PDGFRA: variants seen among roughly 807,000 people sequenced by gnomAD.
PDGFRA encodes the protein platelet-derived growth factor receptor alpha.
PDGFRA carries 25 observed loss-of-function variants against 121.5 expected under a neutral mutation model. The observed-to-expected ratio is 0.21, with a 90% CI of 0.15 to 0.29. The LOEUF (loss-of-function observed/expected upper bound fraction) is 0.29, where lower values mean the gene tolerates loss of function less well. PDGFRA is among the 10% of genes least tolerant of loss of function. The pLI is 1.00. For synonymous variants in PDGFRA, 463 were observed against 494.8 expected (o/e 0.94, Z 0.85); for missense variants, 1,008 against 1,345.1 (o/e 0.75, Z 3.92).
Position 54,274,887 on chromosome 4 carries a change from C to T in PDGFRA, c.1700C>T (p.Pro567Leu), listed in dbSNP as rs201503614. 29 of 1,613,718 alleles carry T rather than the reference C, an allele frequency of 1.8e-5. No individual in the cohort carries two copies. The highest frequency in any genetic ancestry group is 1.2e-4 in the Admixed American group (7 of 59,994). ...TGGAGGGTCATTGAATCAATCAGCC[C>T]AGATGGACATGAATATATTTATGTG... ...IRWRVIESIS[P>L]DGHEYIYVDP... is the part of the protein sequence containing the mutation. Residue 567 changes from proline to leucine, a missense_variant, in exon 12 of 23, where the codon CCA becomes CTA. Physicochemically the swap from Pro to Leu is moderately conservative, Grantham distance 98 (BLOSUM62 -3). Around this residue, in one of 5 missense-constraint regions of PDGFRA, gnomAD observed 575 missense variants for 701.8 expected, o/e 0.82. Coordinates refer to ENST00000257290, the MANE Select transcript of PDGFRA (RefSeq NM_006206.6).
chr4:54,248,255 C>T (rs1305485477), intron 1 of PDGFRA, among the ~76,000 whole-genome samples: 1 of 152,210 alleles, frequency 6.6e-6, no homozygotes, highest in East Asian at 1.9e-4. Flanking sequence ...CCCGCATCGC[C>T]AAGTCAGTCC....
chr4:54,274,267 C>T (rs1287208997), intron 10 of PDGFRA, among the ~76,000 whole-genome samples: 4 of 152,240 alleles, frequency 2.6e-5, no homozygotes, highest in Non-Finnish European at 5.9e-5. Flanking sequence ...CACAAGGTTA[C>T]TGTTGGAGCA....
chr4:54,236,704 G>A (rs1721033713), intron 1 of PDGFRA, among the ~76,000 whole-genome samples: 1 of 152,074 alleles, frequency 6.6e-6, no homozygotes, highest in Non-Finnish European at 1.5e-5. Context: ...TCGGGAGGCT[G>A]AGACAGGAGA....
intron 15 of PDGFRA, 34 bp from the exon 16 acceptor site, chr4:54,280,282 A>C (rs1419648477): frequency 3.8e-6 from 6 of 1,596,826 alleles, no homozygotes; most frequent in Non-Finnish European, 5.2e-6. Context: ...TCAGAAGGGC[A>C]CCCTGGGTAA....
chr4:54,275,723 T>C (rs1723683110), intron 12 of PDGFRA, among the ~76,000 whole-genome samples: 1 of 152,222 alleles, frequency 6.6e-6, no homozygotes, highest in Non-Finnish European at 1.5e-5. Context: ...TTAGGTAAAC[T>C]GAAATCAAGC....
At chr4:54,283,630 C>T (rs981036558) in intron 16 of PDGFRA, among the ~76,000 whole-genome samples, 1 of 152,208 alleles carries the variant, frequency 6.6e-6, no homozygotes. Context: ...GCCTTTGCCT[C>T]CTTTTTAGTT....
intron 5 of PDGFRA, among the ~76,000 whole-genome samples, chr4:54,265,671 G>C (rs1722992641): frequency 6.6e-6 from 1 of 152,204 alleles, no homozygotes; most frequent in Non-Finnish European, 1.5e-5. Flanking sequence ...AGGGGAGATG[G>C]AAGTGGGGAA....
chr4:54,269,857 T>C (rs1458407552), intron 7 of PDGFRA, among the ~76,000 whole-genome samples: 2 of 151,632 alleles, frequency 1.3e-5, no homozygotes, highest in Admixed American at 6.6e-5. Flanking sequence ...TCACCATGTT[T>C]GTGAGGCTGG....
At chr4:54,291,638 G>C (rs1724637584) in intron 22 of PDGFRA, among the ~76,000 whole-genome samples, 1 of 152,154 alleles carries the variant, frequency 6.6e-6, no homozygotes, top group Non-Finnish European at 1.5e-5. Flanking sequence ...ACAGATGCTG[G>C]TGAGGTTGTG....
chr4:54,277,156 C>T (rs111624835), intron 12 of PDGFRA: 5 of 560,874 alleles, frequency 8.9e-6, no homozygotes, highest in East Asian at 3.2e-5. Context: ...TCCTTTCTCC[C>T]GTCTGTGTTT....
chr4:54,255,608 C>T (rs1484188527), intron 1 of PDGFRA, among the ~76,000 whole-genome samples: 1 of 151,652 alleles, frequency 6.6e-6, no homozygotes, highest in East Asian at 1.9e-4. Context: ...TGGGTTCACG[C>T]CATTCTCCTG....
chr4:54,286,071 G>A (rs2110338945), intron 18 of PDGFRA, 108 bp downstream of exon 18: 1 of 1,135,894 alleles, frequency 8.8e-7, no homozygotes, highest in African/African-American at 1.5e-5. Context: ...AACATCAATA[G>A]ATTTCAAGGG....
chr4:54,255,607 G>A (rs553843236), intron 1 of PDGFRA, among the ~76,000 whole-genome samples: 24 of 150,818 alleles, frequency 1.6e-4, no homozygotes, highest in East Asian at 1.4e-3. Context: ...CTGGGTTCAC[G>A]CCATTCTCCT....
intron 1 of PDGFRA, among the ~76,000 whole-genome samples, chr4:54,246,569 G>A (rs1362761263): frequency 2.6e-5 from 4 of 152,278 alleles, no homozygotes; most frequent in Non-Finnish European, 5.9e-5. Flanking sequence ...TCAAAGCAGT[G>A]TGTAGAGGGA....
rs2110335697 is a variant in PDGFRA at position 54,285,420 on chromosome 4, T to A, written c.2373T>A (p.Thr791=). 6.3e-7 allele frequency: 1 copy of A among 1,587,244 alleles called. No individual in the cohort carries two copies. Among genetic ancestry groups the A allele is most frequent in the Non-Finnish European group, 8.7e-7 (1 of 1,155,610 alleles). Residue 791 remains threonine, a synonymous_variant, in exon 17 of 23, where the codon ACT becomes ACA. Coordinates refer to ENST00000257290, the MANE Select transcript of PDGFRA (RefSeq NM_006206.6). ...LLSDDNSEGL[T]LLDLLSFTYQ... ...CAGATGATAACTCAGAAGGCCTTAC[T>A]TTATTGGATTTGTTGAGCTTCACCT...
At chr4:54,288,983 C>T (rs2110345627) in intron 20 of PDGFRA, 26 bp from the exon 21 acceptor site, 2 of 1,545,316 alleles carry the variant, frequency 1.3e-6, no homozygotes, top group Non-Finnish European at 1.8e-6. Context: ...TCCCCCTGTG[C>T]CCACTCTTGA....
intron 1 of PDGFRA, among the ~76,000 whole-genome samples, chr4:54,246,862 CA>C (rs201183794): frequency 0.052 from 7,415 of 143,150 alleles, 525 homozygotes; most frequent in African/African-American, 0.17. Flanking sequence ...CAAATAGACG[CA>C]AAAAAAAAAA....
intron 8 of PDGFRA, among the ~76,000 whole-genome samples, chr4:54,271,479 CTATAA>C (rs774445840): frequency 6.6e-6 from 1 of 152,174 alleles, no homozygotes; most frequent in Non-Finnish European, 1.5e-5. Context: ...GAATCCTAAG[CTATAA>C]TATAATTTTA....
At chr4:54,242,769 A>T (rs1033832204) in intron 1 of PDGFRA, among the ~76,000 whole-genome samples, 2 of 151,732 alleles carry the variant, frequency 1.3e-5, no homozygotes, top group Non-Finnish European at 2.9e-5. Context: ...ACAGCCTGGG[A>T]CTCCTTGGGA....
Sources: gnomAD v4.1 joint callset for allele counts (sites outside exome capture counted in the v4.1 genomes callset) on GRCh38, gnomAD v4.1.1 for gene constraint, gnomAD v4.1.1 regional missense constraint, MANE v1.5 for transcripts, NCBI Gene and HGNC (gene_info 2026-07-23, HGNC 2026-07-21) for gene names.